Variants in SRGAP3 observed in about 807,000 individuals in gnomAD.
The protein encoded by SRGAP3 is SLIT-ROBO Rho GTPase activating protein 3.
Under a neutral mutation model 121.1 loss-of-function variants are expected in SRGAP3, and 39 were observed. That is an observed-to-expected ratio of 0.32 (90% CI 0.25 to 0.42). SRGAP3 has a LOEUF of 0.42. Among genes scored for constraint, SRGAP3 ranks in the 10% least tolerant of loss-of-function variants. The probability of loss-of-function intolerance (pLI) is 1.00; values close to 1 mark genes in which losing one functional copy is unlikely to be tolerated. For missense variants in SRGAP3, 1,213 were observed against 1,470.6 expected, an observed-to-expected ratio of 0.82 and a Z score of 2.86; for synonymous variants, 601 against 570.0, an observed-to-expected ratio of 1.05 and a Z score of -0.77.
At chr3:9,148,720 T>A (rs112452304) in intron 1 of SRGAP3, among the ~76,000 whole-genome samples, 1 of 152,212 alleles carries the variant, frequency 6.6e-6, no homozygotes, top group Non-Finnish European at 1.5e-5. Flanking sequence ...CCTCATCTCA[T>A]AGTCCATCCT....
chr3:9,122,929 G>A (rs1055418302), intron 2 of SRGAP3, among the ~76,000 whole-genome samples: 9 of 152,190 alleles, frequency 5.9e-5, no homozygotes, highest in South Asian at 2.1e-4. Context: ...GAAGGTGGAC[G>A]CGACCCAAGT....
intron 3 of SRGAP3, among the ~76,000 whole-genome samples, chr3:9,318,466 A>G (rs1224600703): frequency 1.3e-5 from 2 of 151,866 alleles, no homozygotes; most frequent in Non-Finnish European, 2.9e-5. Flanking sequence ...TTCTCTGCCC[A>G]GAGCAGTGGA....
intron 1 of SRGAP3, among the ~76,000 whole-genome samples, chr3:9,330,773 G>A (rs1449297849): frequency 6.6e-6 from 1 of 152,212 alleles, no homozygotes; most frequent in Non-Finnish European, 1.5e-5. Context: ...GGAATCAGAA[G>A]TGAGGTACAG....
At chr3:9,002,574 A>G (rs1246811907) in intron 18 of SRGAP3, among the ~76,000 whole-genome samples, 1 of 152,192 alleles carries the variant, frequency 6.6e-6, no homozygotes, top group Admixed American at 6.5e-5. Flanking sequence ...AGCAGAAGGA[A>G]GGAAATAATA....
At chr3:9,156,442 A>T (rs973986090) in intron 1 of SRGAP3, among the ~76,000 whole-genome samples, 3 of 152,168 alleles carry the variant, frequency 2.0e-5, no homozygotes, top group Admixed American at 1.3e-4. Flanking sequence ...GATATTGGGG[A>T]CATTGCAGGT....
rs1946081943 is a variant in SRGAP3 at position 9,060,277 on chromosome 3, G to A, written c.755C>T (p.Ala252Val). The change falls in exon 6 of 22, where the codon GCA becomes GTA. Residue 252 changes from alanine to valine, a missense_variant. Around this residue, in one of 2 missense-constraint regions of SRGAP3, gnomAD observed 793 missense variants for 1,032.9 expected, o/e 0.77. Transcript: ENST00000383836. ...DYLLNLAATN[A>V]AISKYYIHDV... ...ATGGATGTAGTATTTGCTTATAGCT[G>A]CGTTGGTGGCTGCCAGATTGAGCAA... The A allele has an allele frequency of 6.2e-7, 1 of 1,614,220 alleles. No individual in the cohort carries two copies. Among genetic ancestry groups the A allele is most frequent in the Non-Finnish European group, 8.5e-7 (1 of 1,180,042 alleles).
chr3:9,358,475 CA>C (rs1449839143), intron 1 of SRGAP3, among the ~76,000 whole-genome samples: 1 of 152,190 alleles, frequency 6.6e-6, no homozygotes, highest in African/African-American at 2.4e-5. Context: ...CAAAAACAGT[CA>C]AGACTTCTGG....
At chr3:9,244,929 G>A (rs1953769042) in intron 1 of SRGAP3, among the ~76,000 whole-genome samples, 1 of 152,108 alleles carries the variant, frequency 6.6e-6, no homozygotes, top group African/African-American at 2.4e-5. Flanking sequence ...TAATATACAT[G>A]GTGCACTGAG....
chr3:9,221,878 A>T (rs1292390626), intron 1 of SRGAP3, among the ~76,000 whole-genome samples: 1 of 152,190 alleles, frequency 6.6e-6, no homozygotes, highest in East Asian at 1.9e-4. Flanking sequence ...TGTCATTACT[A>T]CTATGTATTG....
chr3:9,304,767 T>C (rs2125276102), intron 3 of SRGAP3, among the ~76,000 whole-genome samples: 1 of 152,306 alleles, frequency 6.6e-6, no homozygotes, highest in Admixed American at 6.5e-5. Context: ...TTCCCAGGGC[T>C]TCCCATTTCC....
At chr3:9,264,130 T>C (rs1437574809) in intron 3 of SRGAP3, among the ~76,000 whole-genome samples, 1 of 152,160 alleles carries the variant, frequency 6.6e-6, no homozygotes, top group African/African-American at 2.4e-5. Flanking sequence ...CACATGATTA[T>C]CTCAATAGAT....
At chr3:9,264,514 T>G (rs1216875627) in intron 3 of SRGAP3, among the ~76,000 whole-genome samples, 1 of 152,228 alleles carries the variant, frequency 6.6e-6, no homozygotes, top group African/African-American at 2.4e-5. Context: ...ATAAGCAACT[T>G]CAGCAAAGTC....
chr3:9,186,065 T>C (rs191056892), intron 1 of SRGAP3, among the ~76,000 whole-genome samples: 134 of 152,240 alleles, frequency 8.8e-4, no homozygotes, highest in African/African-American at 3.0e-3. Context: ...TGTCACCCCT[T>C]CAAACCCACA....
At chr3:9,323,798 AACACACAC>A (rs139013302) in intron 3 of SRGAP3, among the ~76,000 whole-genome samples, 8,843 of 148,850 alleles carry the variant, frequency 0.059, 329 homozygotes, top group African/African-American at 0.095. Flanking sequence ...CTGTGTATCT[AACACACAC>A]ACACACACAC....
rs548920749 is a variant in SRGAP3 at position 9,187,219 on chromosome 3, T to C, written c.67+61666A>G. ...TGAGTGAGAACATGCGGTGTTTGGTTTTCTGTTCTTGTGTTAGTTTGTCCC... is the reference window on the plus strand; with the variant it reads ...TGAGTGAGAACATGCGGTGTTTGGTCTTCTGTTCTTGTGTTAGTTTGTCCC... On this transcript the variant is annotated intron_variant, in intron 1 of 21. Transcript: ENST00000383836. Among the ~76,000 whole-genome samples, 3 of 151,866 alleles carry C rather than the reference T, an allele frequency of 2.0e-5. No homozygotes were observed. The South Asian group carries it at 6.3e-4, about 32-fold the overall frequency.
intron 18 of SRGAP3, among the ~76,000 whole-genome samples, chr3:9,006,512 CA>C (rs112155557): frequency 0.22 from 32,676 of 151,842 alleles, 3,672 homozygotes; most frequent in Non-Finnish European, 0.25. Context: ...CCTTAATACA[CA>C]ACGACATGGA....
At chr3:9,003,464 G>C (rs1286489083) in intron 18 of SRGAP3, among the ~76,000 whole-genome samples, 3 of 143,348 alleles carry the variant, frequency 2.1e-5, no homozygotes, top group Non-Finnish European at 3.0e-5. Context: ...GGGTGACAGA[G>C]TGAGATTCCA....
At chr3:9,187,332 TA>T (rs1042662587) in intron 1 of SRGAP3, among the ~76,000 whole-genome samples, 2 of 152,156 alleles carry the variant, frequency 1.3e-5, no homozygotes, top group African/African-American at 4.8e-5. Context: ...GTCAGTGGAC[TA>T]ACTGAGGAAG....
chr3:9,154,447 A>AC (rs947023233), intron 1 of SRGAP3, among the ~76,000 whole-genome samples: 2 of 143,698 alleles, frequency 1.4e-5, no homozygotes, highest in South Asian at 4.5e-4. Context: ...GCTCAGCCCC[A>AC]CCCCCCATCA....
Sources: gnomAD v4.1 joint callset for allele counts (sites outside exome capture counted in the v4.1 genomes callset) on GRCh38, gnomAD v4.1.1 for gene constraint, gnomAD v4.1.1 regional missense constraint, MANE v1.5 for transcripts, NCBI Gene and HGNC (gene_info 2026-07-23, HGNC 2026-07-21) for gene names.